CRHBP: variants seen among roughly 807,000 people sequenced by gnomAD.
CRHBP encodes the protein corticotropin releasing hormone binding protein.
A neutral mutation model predicts 34.9 loss-of-function variants in CRHBP; 19 were observed. The observed-to-expected ratio is 0.55, with a 90% CI of 0.38 to 0.80. The LOEUF (loss-of-function observed/expected upper bound fraction) is 0.80, where lower values mean the gene tolerates loss of function less well. Ranked by LOEUF, CRHBP falls within the 30% of genes least tolerant of loss-of-function variation. The pLI, the probability that CRHBP is intolerant of heterozygous loss-of-function variation, is 0.00. For missense variants in CRHBP, 328 were observed against 409.2 expected (o/e 0.80, Z 1.71); for synonymous variants, 154 against 153.4 (o/e 1.00, Z -0.03).
At chr5:76,979,362 T>C (rs1746085469) in intron 3 of CRHBP, among the ~76,000 whole-genome samples, 1 of 151,978 alleles carries the variant, frequency 6.6e-6, no homozygotes, top group Non-Finnish European at 1.5e-5. Context: ...ACAATAAAGT[T>C]TTTTTCTTTG....
chr5:76,965,698 A>G (rs1745850831), intron 6 of CRHBP, among the ~76,000 whole-genome samples: 1 of 152,244 alleles, frequency 6.6e-6, no homozygotes, highest in Non-Finnish European at 1.5e-5. Flanking sequence ...TTCTAAAGCC[A>G]GAAAACCACT....
intron 6 of CRHBP, among the ~76,000 whole-genome samples, chr5:76,966,159 C>G (rs984409240): frequency 1.3e-5 from 2 of 152,178 alleles, no homozygotes; most frequent in African/African-American, 4.8e-5. Context: ...GCTGGGATTA[C>G]AGGCATGTGC....
intron 2 of CRHBP, among the ~76,000 whole-genome samples, chr5:76,975,432 A>G (rs1746009860): frequency 6.6e-6 from 1 of 152,208 alleles, no homozygotes; most frequent in African/African-American, 2.4e-5. Flanking sequence ...ACCATATATT[A>G]TCGCTAATCA....
intron 6 of CRHBP, among the ~76,000 whole-genome samples, chr5:76,965,844 T>G (rs989650348): frequency 1.3e-5 from 2 of 152,196 alleles, no homozygotes; most frequent in Admixed American, 6.5e-5. Flanking sequence ...TCCAGGTTCT[T>G]GGCGTTTTGA....
chr5:76,954,762 G>A (rs3811939), intron 3 of CRHBP, among the ~76,000 whole-genome samples: 40,508 of 151,966 alleles, frequency 0.27, 5,605 homozygotes, highest in Middle Eastern at 0.44. Flanking sequence ...ATAGGTGGGA[G>A]GGCAGGACAA....
rs184229277 is a variant in CRHBP at position 76,962,176 on chromosome 5, A to C, written c.694-1167A>C. On this transcript the variant is annotated intron_variant, in intron 5 of 6. Coordinates refer to ENST00000274368, the MANE Select transcript of CRHBP (RefSeq NM_001882.4). ...AGGTCTATCTAGTGAAGTACTGAGC[A>C]CCTTGTCACATTCTACTAGATCTCT... Among the ~76,000 whole-genome samples, 67 of 152,228 alleles carry C rather than the reference A, an allele frequency of 4.4e-4. 1 individual carries two copies. Among genetic ancestry groups the C allele is most frequent in the African/African-American group, 1.5e-3 (64 of 41,522 alleles).
At chr5:76,957,472 T>A (rs894795885) in intron 4 of CRHBP, among the ~76,000 whole-genome samples, 1 of 152,174 alleles carries the variant, frequency 6.6e-6, no homozygotes, top group African/African-American at 2.4e-5. Flanking sequence ...CTGCAACCTC[T>A]GCCTCTCGGG....
chr5:76,968,800 C>A lies in CRHBP; in HGVS notation c.884C>A (p.Thr295Asn). The stretch of plus-strand genomic sequence containing the variant: ...AGTGGAAAACACGTAAATCGTGTGA[C>A]TTTTGAGTATCGTCAGCTGGAGCCG... ...VSSGKHVNRV[T>N]FEYRQLEPYE... Residue 295 changes from threonine to asparagine, a missense_variant, in exon 7 of 7, where the codon ACT becomes AAT. By Grantham distance (65) the Thr-to-Asn change is moderately conservative. This residue lies in a region of CRHBP where 144 missense variants were observed against 216.7 expected (regional missense o/e 0.66). Transcript: ENST00000274368. 6.2e-7 allele frequency: 1 copy of A among 1,614,168 alleles called. No individual in the cohort carries two copies. The highest frequency in any genetic ancestry group is 1.6e-4 in the Middle Eastern group (1 of 6,062).
At chr5:76,953,545 C>A (rs914092682) in intron 1 of CRHBP, 56 bp from the exon 2 acceptor site, 1 of 1,530,166 alleles carries the variant, frequency 6.5e-7, no homozygotes, top group Admixed American at 1.9e-5. Context: ...GCTCCTGGTC[C>A]CCTTTTTTAT....
downstream of CRHBP, among the ~76,000 whole-genome samples, chr5:76,970,423 C>T (rs940202397): frequency 6.6e-6 from 1 of 151,892 alleles, no homozygotes; most frequent in Non-Finnish European, 1.5e-5. Flanking sequence ...AAAAAAAAAC[C>T]CAACTAATTG....
At chr5:76,969,868 C>T (rs1423127778), downstream of CRHBP, among the ~76,000 whole-genome samples, 3 of 147,296 alleles carry the variant, frequency 2.0e-5, no homozygotes, top group Non-Finnish European at 3.0e-5. Context: ...TGGCTTAAAA[C>T]TGAGTGTGTA....
chr5:76,953,839 C>T, intron 2 of CRHBP, 145 bp downstream of exon 2: 1 of 1,161,820 alleles, frequency 8.6e-7, no homozygotes, highest in Non-Finnish European at 1.2e-6. Flanking sequence ...AGGATCGGTC[C>T]GCGGAGGCGC....
intron 1 of CRHBP, 148 bp downstream of exon 1, chr5:76,953,363 G>C (rs1174331580): frequency 3.5e-6 from 3 of 856,066 alleles, no homozygotes; most frequent in Non-Finnish European, 5.7e-6. Context: ...CCCCTATCCT[G>C]TTCTCCCTCC....
intron 3 of CRHBP, among the ~76,000 whole-genome samples, chr5:76,979,959 G>A (rs896733286): frequency 6.6e-6 from 1 of 152,042 alleles, no homozygotes; most frequent in Admixed American, 6.6e-5. Flanking sequence ...CAGTTAGAAA[G>A]CAGTGGGGCC....
chr5:76,962,677 G>A (rs1379610469), intron 5 of CRHBP, among the ~76,000 whole-genome samples: 2 of 151,054 alleles, frequency 1.3e-5, no homozygotes, highest in East Asian at 3.9e-4. Context: ...ACCACACAAA[G>A]CTTTAGAATG....
chr5:76,954,463 C>G (rs567797657), intron 3 of CRHBP, among the ~76,000 whole-genome samples: 15 of 152,238 alleles, frequency 9.9e-5, no homozygotes, highest in Non-Finnish European at 1.8e-4. Flanking sequence ...TGGGCGCTTT[C>G]GAGGCCCTAG....
At chr5:76,962,430 C>T (rs1716657185) in intron 5 of CRHBP, among the ~76,000 whole-genome samples, 1 of 151,840 alleles carries the variant, frequency 6.6e-6, no homozygotes, top group Non-Finnish European at 1.5e-5. Context: ...AGAGTGGTTG[C>T]TTTGTTTGTG....
rs1187730060 is a variant in CRHBP at position 76,968,716 on chromosome 5, C to T, written c.812-12C>T. On this transcript the variant is annotated splice_polypyrimidine_tract_variant and intron_variant, in intron 6 of 6. Transcript: ENST00000274368. Reference sequence around the variant, plus strand: ...CCTGCTGGGAAACTTTTATCTTTTCCATCCATTATAGCCCAGATGAAAGTT... The same window carrying T: ...CCTGCTGGGAAACTTTTATCTTTTCTATCCATTATAGCCCAGATGAAAGTT... 10 of 1,589,768 alleles carry T rather than the reference C, an allele frequency of 6.3e-6. No homozygotes were observed. The highest frequency in any genetic ancestry group is 8.6e-6 in the Non-Finnish European group (10 of 1,165,082).
intron 3 of CRHBP, 31 bp downstream of exon 3, chr5:76,954,217 G>C (rs779457908): frequency 6.2e-7 from 1 of 1,604,832 alleles, no homozygotes; most frequent in Admixed American, 1.7e-5. Context: ...CAACCTAGCC[G>C]GAGGGCGGCA....
Sources: gnomAD v4.1 joint callset for allele counts (sites outside exome capture counted in the v4.1 genomes callset) on GRCh38, gnomAD v4.1.1 for gene constraint, gnomAD v4.1.1 regional missense constraint, MANE v1.5 for transcripts, NCBI Gene and HGNC (gene_info 2026-07-23, HGNC 2026-07-21) for gene names.